MEIOC: variants seen among roughly 807,000 people sequenced by gnomAD.
MEIOC encodes the protein meiosis specific with coiled-coil domain.
In MEIOC, 9 loss-of-function variants were observed where a neutral mutation model predicts 85.3. That is an observed-to-expected ratio of 0.11 (90% CI 0.06 to 0.18). The LOEUF (loss-of-function observed/expected upper bound fraction) is 0.18, where lower values mean the gene tolerates loss of function less well. MEIOC is among the 10% of genes least tolerant of loss of function. The pLI, the probability that MEIOC is intolerant of heterozygous loss-of-function variation, is 1.00. For synonymous variants in MEIOC, 365 were observed against 393.7 expected, an observed-to-expected ratio of 0.93 and a Z score of 0.86; for missense variants, 898 against 1,129.4, an observed-to-expected ratio of 0.80 and a Z score of 2.94.
Position 44,666,721 on chromosome 17 carries a change from T to G in MEIOC, c.810T>G (p.Phe270Leu), listed in dbSNP as rs756128513. The change falls in exon 5 of 8, where the codon TTT becomes TTG. Residue 270 changes from phenylalanine to leucine, a missense_variant. Coordinates refer to ENST00000409122, the MANE Select transcript of MEIOC (RefSeq NM_001145080.3). ...AATATCCACTTATCAAAAACTGTTT[T>G]ACACCCCAAACTGGTCTGTCTGATA... ...FQEYPLIKNC[F>L]TPQTGLSDIM... is the part of the protein sequence containing the mutation. 1.2e-6 allele frequency: 2 copies of G among 1,613,356 alleles called. No homozygotes were observed. The highest frequency in any genetic ancestry group is 3.3e-5 in the Admixed American group (2 of 59,958).
intron 2 of MEIOC, among the ~76,000 whole-genome samples, chr17:44,661,203 G>A (rs1320340985): frequency 2.1e-5 from 3 of 144,326 alleles, no homozygotes; most frequent in South Asian, 2.2e-4. Context: ...CAGGAGAATC[G>A]CTTCAACCCG....
At chr17:44,656,946 CA>C (rs898233288) in intron 1 of MEIOC, among the ~76,000 whole-genome samples, 180 bp from the exon 2 acceptor site, 1 of 151,984 alleles carries the variant, frequency 6.6e-6, no homozygotes, top group Non-Finnish European at 1.5e-5. Context: ...GGTCAGCACT[CA>C]GGGGGCCCGA....
At position 44,666,346 on chromosome 17, in the gene MEIOC, G is replaced by C. The variant is rs146010698; in HGVS notation, c.465-30G>C. ...AAGAAATAAAGTCTTTAAAACCTAA[G>C]TTGTAATTAAATATATTTATTTGTT... On this transcript the variant is annotated intron_variant, in intron 4 of 7. Coordinates refer to ENST00000409122, the MANE Select transcript of MEIOC (RefSeq NM_001145080.3). The C allele has an allele frequency of 4.3e-5, 65 of 1,494,712 alleles. No homozygotes were observed. In the African/African-American group the frequency reaches 7.9e-4, roughly 18 times the overall value. The allele number at this position is 1,494,712 out of a possible 1,614,324, so 92.6% of individuals were successfully genotyped here.
chr17:44,676,717 G>A (rs1223529417), downstream of MEIOC, among the ~76,000 whole-genome samples: 1 of 152,132 alleles, frequency 6.6e-6, no homozygotes, highest in African/African-American at 2.4e-5. Context: ...AGCTACTTGG[G>A]AGGGGGAGGC....
rs777869430 is a variant in MEIOC at position 44,674,739 on chromosome 17, T to C, written c.*543T>C. ...TGTACAAACTTAATATTTAAAATAC[T>C]ATACTACCATATTTATAAATTTGGA... is the stretch of plus-strand genomic sequence containing the variant. On this transcript the variant is annotated 3_prime_UTR_variant, in exon 8 of 8. Transcript: ENST00000409122. 7.1e-4 allele frequency: 691 copies of C among 975,808 alleles called. No homozygotes were observed. Among genetic ancestry groups the C allele is most frequent in the Non-Finnish European group, 7.9e-4 (646 of 821,166 alleles). The allele number at this position is 975,808 out of a possible 1,614,324, so 60.4% of individuals were successfully genotyped here. A position where few individuals can be genotyped will look rare whatever the true frequency, so the allele number is the denominator to read the frequency against.
chr17:44,676,268 C>G (rs997243643), downstream of MEIOC: 3 of 152,146 alleles, frequency 2.0e-5, no homozygotes, highest in Admixed American at 6.6e-5. Flanking sequence ...TGAATTACAA[C>G]CTATGAAAAC....
downstream of MEIOC, chr17:44,676,998 GAAGA>G (rs1374512040): frequency 2.1e-6 from 2 of 970,350 alleles, no homozygotes; most frequent in African/African-American, 1.8e-5. Flanking sequence ...CAGAGTCCCA[GAAGA>G]AAGAACTGAC....
At chr17:44,669,335 A>T in intron 5 of MEIOC, 48 bp from the exon 6 acceptor site, 1 of 1,435,522 alleles carries the variant, frequency 7.0e-7, no homozygotes, top group Non-Finnish European at 9.5e-7. Flanking sequence ...TCATGGTCGA[A>T]TCATATTTAG....
At chr17:44,662,594 A>C in intron 3 of MEIOC, 123 bp downstream of exon 3, 1 of 717,038 alleles carries the variant, frequency 1.4e-6, no homozygotes, top group Non-Finnish European at 2.2e-6. Context: ...TGTGTTTTTC[A>C]AACTTTTAGG....
chr17:44,661,816 T>C (rs1185476228), intron 2 of MEIOC, among the ~76,000 whole-genome samples: 2 of 152,142 alleles, frequency 1.3e-5, no homozygotes, highest in Non-Finnish European at 2.9e-5. Flanking sequence ...AGTGCTGGGA[T>C]TACAGGCTTG....
In MEIOC at chr17:44,674,497, G is replaced by C; in HGVS notation, c.*301G>C. The stretch of plus-strand genomic sequence containing the variant: ...GTGCTTAAACTCATTCTGCCATGCA[G>C]GTAAATGCAAATGTGAAATTCTTCT... On this transcript the variant is annotated 3_prime_UTR_variant, in exon 8 of 8. Transcript: ENST00000409122. 12 of 1,070,466 alleles carry C rather than the reference G, an allele frequency of 1.1e-5. No homozygotes were observed. Among genetic ancestry groups the C allele is most frequent in the Non-Finnish European group, 1.4e-5 (12 of 882,918 alleles). 66.3% of individuals were successfully genotyped at this position (1,070,466 alleles called of 1,614,324 possible). A position where few individuals can be genotyped will look rare whatever the true frequency, so the allele number is the denominator to read the frequency against.
At position 44,667,594 on chromosome 17, in the gene MEIOC, CAT is replaced by C; in HGVS notation, c.1685_1686del (p.Ile562ArgfsTer18). On this transcript the variant is annotated frameshift_variant, in exon 5 of 8. Transcript: ENST00000409122. LOFTEE classifies it high-confidence loss of function. ...CAGAAAGAATCCAATCTGTCAATCA[CAT>C]AGAAGGACTAACAAAGCCTGGAGAA... ...GAERIQSVNH[I>X]EGLTKPGEEN... 6.2e-7 allele frequency: 1 copy of C among 1,613,686 alleles called. No individual in the cohort carries two copies. Among genetic ancestry groups the C allele is most frequent in the Non-Finnish European group, 8.5e-7 (1 of 1,179,774 alleles).
chr17:44,673,081 G>C (rs1282855532), intron 6 of MEIOC: 1 of 304,704 alleles, frequency 3.3e-6, no homozygotes, highest in African/African-American at 2.2e-5. Context: ...ATCAGATCTT[G>C]TATTTGCAGT....
chr17:44,661,530 G>A (rs1971841153), intron 2 of MEIOC, among the ~76,000 whole-genome samples: 1 of 151,808 alleles, frequency 6.6e-6, no homozygotes, highest in Admixed American at 6.6e-5. Flanking sequence ...TTTTTTCAGA[G>A]ATTGGGGACA....
chr17:44,657,018 G>T, intron 1 of MEIOC, 109 bp from the exon 2 acceptor site: 1 of 1,286,876 alleles, frequency 7.8e-7, no homozygotes, highest in Non-Finnish European at 1.1e-6. Context: ...CCTCTGAGAG[G>T]GTTCGGAATT....
Position 44,674,384 on chromosome 17 carries a change from T to A in MEIOC, c.*188T>A. 7.2e-7 allele frequency: 1 copy of A among 1,383,580 alleles called. No homozygotes were observed. Among genetic ancestry groups the A allele is most frequent in the Non-Finnish European group, 9.4e-7 (1 of 1,068,984 alleles). The allele number at this position is 1,383,580 out of a possible 1,614,324, so 85.7% of individuals were successfully genotyped here. ...GAAGTGAATCCGATATAGTTTTAAG[T>A]AAACGCAAAGGTACAGTTGACTACT... is the stretch of plus-strand genomic sequence containing the variant. On this transcript the variant is annotated 3_prime_UTR_variant, in exon 8 of 8. Coordinates refer to ENST00000409122, the MANE Select transcript of MEIOC (RefSeq NM_001145080.3).
At chr17:44,660,959 A>G (rs1971833805) in intron 2 of MEIOC, among the ~76,000 whole-genome samples, 2 of 151,870 alleles carry the variant, frequency 1.3e-5, no homozygotes, top group Admixed American at 1.3e-4. Flanking sequence ...CTTAACACCC[A>G]AAGTTTTTGT....
intron 3 of MEIOC, 103 bp downstream of exon 3, chr17:44,662,574 T>C (rs1971856036): frequency 2.4e-6 from 2 of 816,542 alleles, no homozygotes; most frequent in Non-Finnish European, 3.7e-6. Flanking sequence ...ATTTTACTAT[T>C]GTGGCATTTT....
At chr17:44,664,462 C>T (rs1971880723) in intron 3 of MEIOC, among the ~76,000 whole-genome samples, 1 of 152,108 alleles carries the variant, frequency 6.6e-6, no homozygotes. Context: ...ATCCAAAATC[C>T]AAAACTTTTT....
Sources: allele counts gnomAD v4.1 joint callset (sites outside exome capture counted in the v4.1 genomes callset), GRCh38; gene constraint gnomAD v4.1.1; transcripts MANE v1.5; gene names NCBI Gene and HGNC (gene_info 2026-07-23, HGNC 2026-07-21).